Variants in SUCO observed in about 807,000 individuals in gnomAD.
SUCO encodes SUN domain-containing ossification factor.
In SUCO, 57 loss-of-function variants were observed where a neutral mutation model predicts 148.1. The observed-to-expected ratio is 0.38, with a 90% CI of 0.31 to 0.48. SUCO has a LOEUF of 0.48. Among genes scored for constraint, SUCO ranks in the 20% least tolerant of loss-of-function variants. The probability of loss-of-function intolerance (pLI) is 0.96; values close to 1 mark genes in which losing one functional copy is unlikely to be tolerated. For synonymous variants in SUCO, 470 were observed against 502.7 expected, an observed-to-expected ratio of 0.93 and a Z score of 0.87; for missense variants, 1,331 against 1,468.2, an observed-to-expected ratio of 0.91 and a Z score of 1.53.
At chr1:172,605,198 A>G (rs1657787027) in intron 22 of SUCO, among the ~76,000 whole-genome samples, 1 of 151,626 alleles carries the variant, frequency 6.6e-6, no homozygotes, top group South Asian at 2.1e-4. Context: ...CCATTTGTCT[A>G]TTGTGTTTTT....
chr1:172,574,060 AAAAC>A (rs1237386634), intron 10 of SUCO, 62 bp downstream of exon 10: 2 of 1,004,580 alleles, frequency 2.0e-6, no homozygotes, highest in African/African-American at 1.6e-5. Context: ...GAAAAACAAA[AAAAC>A]AAAAAAGTGG....
chr1:172,539,537 G>A (rs1299962230), intron 1 of SUCO, among the ~76,000 whole-genome samples: 1 of 152,026 alleles, frequency 6.6e-6, no homozygotes, highest in African/African-American at 2.4e-5. Flanking sequence ...ATAATTAATT[G>A]CTAGTTAAAA....
chr1:172,557,801 A>T lies in SUCO; in HGVS notation c.732+7A>T, dbSNP rs138716610. On this transcript the variant is annotated splice_region_variant and intron_variant, in intron 6 of 23. Coordinates refer to ENST00000263688, the MANE Select transcript of SUCO (RefSeq NM_014283.5). ...AGATAATTTAAAAAATGAGGTAGGT[A>T]TATAACTTGCACTATCTCTTACTTC... is the stretch of plus-strand genomic sequence containing the variant. 6.3e-7 allele frequency: 1 copy of T among 1,584,022 alleles called. No homozygotes were observed. Among genetic ancestry groups the T allele is most frequent in the East Asian group, 2.2e-5 (1 of 44,598 alleles).
At chr1:172,576,522 A>C (rs561281793) in intron 11 of SUCO, among the ~76,000 whole-genome samples, 1 of 151,658 alleles carries the variant, frequency 6.6e-6, no homozygotes, top group Non-Finnish European at 1.5e-5. Context: ...TTATTAGTTC[A>C]AAAAAATTAA....
chr1:172,553,213 T>C (rs1300209823), intron 2 of SUCO, 47 bp from the exon 3 acceptor site: 2 of 1,484,020 alleles, frequency 1.3e-6, no homozygotes, highest in South Asian at 1.4e-5. Context: ...TATAACTGTT[T>C]TGTAAAACAG....
chr1:172,565,202 A>G (rs1169979372), intron 6 of SUCO, among the ~76,000 whole-genome samples: 1 of 152,142 alleles, frequency 6.6e-6, no homozygotes, highest in Non-Finnish European at 1.5e-5. Flanking sequence ...TTGCTGGAGA[A>G]CCTACCTGGT....
Position 172,609,951 on chromosome 1 carries a change from G to C in SUCO, c.3457G>C (p.Val1153Leu). The C allele has an allele frequency of 1.9e-6, 3 of 1,613,950 alleles. No homozygotes were observed. The South Asian group carries it at 3.3e-5, about 18-fold the overall frequency. ...GAGAGATTTTTCTAATATGGGAGAA[G>C]TTTATCACTCTTCTTATAAAGGTCC... ...NQRDFSNMGE[V>L]YHSSYKGPPS... is the part of the protein sequence containing the mutation. The change falls in exon 24 of 24, where the codon GTT becomes CTT. Residue 1153 changes from valine to leucine, a missense_variant. This residue lies in a region of SUCO where 334 missense variants were observed against 352.3 expected (regional missense o/e 0.95). Coordinates refer to ENST00000263688, the MANE Select transcript of SUCO (RefSeq NM_014283.5).
chr1:172,592,734 T>G (rs1344527924), intron 19 of SUCO, among the ~76,000 whole-genome samples: 1 of 152,200 alleles, frequency 6.6e-6, no homozygotes, highest in Non-Finnish European at 1.5e-5. Flanking sequence ...TTGTTCTTTT[T>G]GCTTAGGATT....
At chr1:172,558,186 C>T (rs762480266) in intron 6 of SUCO, among the ~76,000 whole-genome samples, 1 of 152,128 alleles carries the variant, frequency 6.6e-6, no homozygotes, top group Non-Finnish European at 1.5e-5. Context: ...TTAGGCTCTT[C>T]AGTCAGAACT....
chr1:172,569,746 A>C (rs1311426115), intron 7 of SUCO, among the ~76,000 whole-genome samples: 1 of 152,154 alleles, frequency 6.6e-6, no homozygotes, highest in Non-Finnish European at 1.5e-5. Flanking sequence ...ATAGATGTTT[A>C]TAATAGATAT....
At chr1:172,540,037 C>G (rs1010142295) in intron 1 of SUCO, among the ~76,000 whole-genome samples, 15 of 152,170 alleles carry the variant, frequency 9.9e-5, no homozygotes, top group Admixed American at 9.2e-4. Context: ...GTACTAAATA[C>G]TATTCAGTGT....
Position 172,588,819 on chromosome 1 carries a change from A to G in SUCO, c.1718A>G (p.Lys573Arg), listed in dbSNP as rs1270029711. 22 of 1,603,570 alleles carry G rather than the reference A, an allele frequency of 1.4e-5. No individual in the cohort carries two copies. The highest frequency in any genetic ancestry group is 1.9e-5 in the Non-Finnish European group (22 of 1,175,692). Reference protein sequence around the residue: ...DMEPSTPDTPKESPIVQLVQE... With the variant: ...DMEPSTPDTPRESPIVQLVQE... ...GAGCCGTCAACACCAGATACTCCAA[A>G]AGAGAGTCCCATTGTACAGTTAGTT... Residue 573 changes from lysine (K) to arginine (R), a missense_variant, in exon 18 of 24, where the codon AAA becomes AGA. Physicochemically the swap from Lys to Arg is conservative, Grantham distance 26. Around this residue, in one of 3 missense-constraint regions of SUCO, gnomAD observed 992 missense variants for 1,093.5 expected, o/e 0.91. Coordinates refer to ENST00000263688, the MANE Select transcript of SUCO (RefSeq NM_014283.5).
intron 19 of SUCO, among the ~76,000 whole-genome samples, chr1:172,597,384 T>G (rs1321402706): frequency 6.6e-6 from 1 of 152,230 alleles, no homozygotes; most frequent in Non-Finnish European, 1.5e-5. Context: ...GGCTGTAGAC[T>G]GGAGCTGTTC....
At chr1:172,568,888 TA>T in intron 6 of SUCO, 130 bp from the exon 7 acceptor site, 1 of 915,076 alleles carries the variant, frequency 1.1e-6, no homozygotes, top group Non-Finnish European at 1.5e-6. Context: ...TTACGTTTTT[TA>T]TTTTTTCAAA....
rs746508595 is a variant in SUCO, at chr1:172,533,413, G to T, written c.-23G>T. ...TGCCGGGAGGATGTGCCGCCTTCTG[G>T]CAGGGGGAAGAAGGAGGAGAAGATG... is the stretch of plus-strand genomic sequence containing the variant. On this transcript the variant is annotated 5_prime_UTR_variant, in exon 1 of 24. Transcript: ENST00000263688. 4.5e-6 allele frequency: 7 copies of T among 1,554,376 alleles called. No homozygotes were observed. In the South Asian group the frequency reaches 7.1e-5, roughly 16 times the overall value.
At chr1:172,608,617 A>G in intron 22 of SUCO, 130 bp from the exon 23 acceptor site, 2 of 741,916 alleles carry the variant, frequency 2.7e-6, no homozygotes, top group Non-Finnish European at 4.7e-6. Context: ...AACCTGATAC[A>G]AATTCATTGG....
intron 1 of SUCO, chr1:172,541,799 T>C (rs1188322755): frequency 1.0e-6 from 1 of 957,408 alleles, no homozygotes; most frequent in Non-Finnish European, 1.2e-6. Flanking sequence ...GTAACTGCTT[T>C]CTTGGAGCAC....
At chr1:172,593,534 A>G (rs1384098984) in intron 19 of SUCO, among the ~76,000 whole-genome samples, 1 of 152,146 alleles carries the variant, frequency 6.6e-6, no homozygotes, top group African/African-American at 2.4e-5. Context: ...TGAGTTAATC[A>G]TGTGATTTTT....
chr1:172,608,930 A>T (rs1485947837), intron 23 of SUCO, 128 bp downstream of exon 23: 29 of 696,924 alleles, frequency 4.2e-5, no homozygotes, highest in Non-Finnish European at 3.9e-5. Flanking sequence ...CTATCATGAT[A>T]ATGTTGTAAA....
Sources: allele counts gnomAD v4.1 joint callset (sites outside exome capture counted in the v4.1 genomes callset), GRCh38; gene constraint gnomAD v4.1.1; regional missense constraint gnomAD v4.1.1; transcripts MANE v1.5; gene names NCBI Gene and HGNC (gene_info 2026-07-23, HGNC 2026-07-21).